The following BRD7 variants were observed in gnomAD, a reference collection of about 807,000 sequenced individuals.
BRD7 encodes bromodomain containing 7.
A neutral mutation model predicts 82.1 loss-of-function variants in BRD7; 15 were observed. That is an observed-to-expected ratio of 0.18 (90% CI 0.12 to 0.28). The LOEUF is 0.28. BRD7 is among the 10% of genes least tolerant of loss of function. The pLI is 1.00. For synonymous variants in BRD7, 232 were observed against 266.9 expected, an observed-to-expected ratio of 0.87 and a Z score of 1.27; for missense variants, 638 against 779.9, an observed-to-expected ratio of 0.82 and a Z score of 2.17.
chr16:50,350,524 G>A (rs1280245023), intron 4 of BRD7, among the ~76,000 whole-genome samples: 1 of 152,088 alleles, frequency 6.6e-6, no homozygotes, highest in South Asian at 2.1e-4. Flanking sequence ...CCAACCAAAG[G>A]GGAAAAGGCT....
chr16:50,331,914 G>A (rs4467073), intron 8 of BRD7, among the ~76,000 whole-genome samples: 56,714 of 152,082 alleles, frequency 0.37, 12,256 homozygotes, highest in Middle Eastern at 0.5. Context: ...AATAAATGGC[G>A]CTAAGAAAAC....
At chr16:50,341,168 G>A (rs2038031649) in intron 5 of BRD7, among the ~76,000 whole-genome samples, 1 of 135,516 alleles carries the variant, frequency 7.4e-6, no homozygotes, top group African/African-American at 2.7e-5. Context: ...TATGGGACCA[G>A]ACCTTAAGTA....
chr16:50,350,192 G>A, intron 4 of BRD7, 25 bp from the exon 5 acceptor site: 1 of 1,512,204 alleles, frequency 6.6e-7, no homozygotes, highest in South Asian at 1.4e-5. Flanking sequence ...AAAAGACAAT[G>A]TAATATTTTA....
chr16:50,343,716 T>C (rs2038166655), intron 5 of BRD7, among the ~76,000 whole-genome samples: 1 of 151,882 alleles, frequency 6.6e-6, no homozygotes, highest in Non-Finnish European at 1.5e-5. Context: ...AGCACAGCAG[T>C]CTGAGATTGA....
chr16:50,331,894 A>C (rs2037580755), intron 8 of BRD7, among the ~76,000 whole-genome samples: 1 of 151,972 alleles, frequency 6.6e-6, no homozygotes, highest in Admixed American at 6.6e-5. Context: ...ACAAAGTAGA[A>C]AGACCACTCA....
chr16:50,328,813 G>T, intron 8 of BRD7, 69 bp from the exon 9 acceptor site: 2 of 1,409,122 alleles, frequency 1.4e-6, no homozygotes, highest in Non-Finnish European at 2.0e-6. Flanking sequence ...TCCTTTATCC[G>T]AAATGCTTGA....
At chr16:50,330,731 T>TAAA (rs370137033) in intron 8 of BRD7, among the ~76,000 whole-genome samples, 2 of 151,776 alleles carry the variant, frequency 1.3e-5, no homozygotes, top group African/African-American at 4.8e-5. Context: ...TTATTTTATT[T>TAAA]AAAAAAAACA....
chr16:50,320,667 A>G lies in BRD7; in HGVS notation c.1608T>C (p.Ser536=), dbSNP rs199917789. Residue 536 remains serine (S), a synonymous_variant, in exon 14 of 17, where the codon TCT becomes TCC. Transcript: ENST00000394688. ...NFGVPVEVFD[S]EEAEIFQKKL... ...AAACCCTCTGGAGACACTTACCTTC[A>G]GAGTCAAAAACTTCAACTGGAACGC... 5 of 1,612,528 alleles carry G rather than the reference A, an allele frequency of 3.1e-6. No homozygotes were observed. The East Asian group carries it at 8.9e-5, about 29-fold the overall frequency.
intron 10 of BRD7, 74 bp downstream of exon 10, chr16:50,326,210 G>A (rs1454083215): frequency 1.7e-6 from 2 of 1,209,306 alleles, no homozygotes; most frequent in African/African-American, 1.5e-5. Flanking sequence ...AGTGAATAAA[G>A]CATAATCGTG....
At chr16:50,324,503 C>T (rs2037254431) in intron 11 of BRD7, among the ~76,000 whole-genome samples, 1 of 152,160 alleles carries the variant, frequency 6.6e-6, no homozygotes, top group Non-Finnish European at 1.5e-5. Context: ...CTCATCAACG[C>T]CCTCCCTGGC....
intron 16 of BRD7, among the ~76,000 whole-genome samples, chr16:50,319,669 T>C (rs1388135837): frequency 1.3e-5 from 2 of 152,192 alleles, no homozygotes; most frequent in Non-Finnish European, 2.9e-5. Flanking sequence ...CTACATTCTA[T>C]GAAGTATATA....
intron 4 of BRD7, among the ~76,000 whole-genome samples, chr16:50,353,870 C>T (rs1597085601): frequency 6.6e-6 from 1 of 151,592 alleles, no homozygotes; most frequent in African/African-American, 2.4e-5. Context: ...AGTGCTGGGA[C>T]TACAGGCGTG....
intron 8 of BRD7, among the ~76,000 whole-genome samples, 178 bp downstream of exon 8, chr16:50,333,396 T>C (rs562857505): frequency 2.0e-5 from 3 of 152,222 alleles, no homozygotes; most frequent in Non-Finnish European, 4.4e-5. Context: ...TTTAACACCC[T>C]GATAAACCCA....
At position 50,322,004 on chromosome 16, in the gene BRD7, A is replaced by T. The variant is rs1465812611; in HGVS notation, c.1478T>A (p.Leu493His). 9 of 1,611,502 alleles carry T rather than the reference A, an allele frequency of 5.6e-6. No homozygotes were observed. The highest frequency in any genetic ancestry group is 7.6e-6 in the Non-Finnish European group (9 of 1,179,446). ...LPEDEGHTRT[L>H]DTAKEMEITE... ...CACCTCCATTTCTTTTGCTGTGTCAAGTGTCCTAGTATGGCCTTCATCTTC... is the reference window on the plus strand; with the variant it reads ...CACCTCCATTTCTTTTGCTGTGTCATGTGTCCTAGTATGGCCTTCATCTTC... Residue 493 changes from leucine to histidine, a missense_variant, in exon 13 of 17, where the codon CTT (leucine) becomes CAT (histidine). Physicochemically the swap from Leu to His is moderately conservative, Grantham distance 99. Around this residue, in one of 3 missense-constraint regions of BRD7, gnomAD observed 402 missense variants for 500.8 expected, o/e 0.80. Transcript: ENST00000394688.
At chr16:50,358,350 T>TCCCGTCTCTATAAAAAATACAAAAATTAG (rs61455994) in intron 2 of BRD7, among the ~76,000 whole-genome samples, 1 of 151,088 alleles carries the variant, frequency 6.6e-6, no homozygotes, top group African/African-American at 2.4e-5. Context: ...CATAGCGAAA[T>TCCCGTCTCTATAAAAAATACAAAAATTAG]CCAGGAGTTT....
intron 6 of BRD7, among the ~76,000 whole-genome samples, chr16:50,336,479 T>C (rs1046567015): frequency 2.0e-5 from 3 of 152,164 alleles, no homozygotes; most frequent in South Asian, 2.1e-4. Context: ...TTAGAATCGC[T>C]TGAACCCGGG....
At position 50,319,933 on chromosome 16, in the gene BRD7, G is replaced by A. The variant is rs199608590; in HGVS notation, c.1854C>T (p.Ser618=). The A allele has an allele frequency of 9.6e-5, 155 of 1,612,432 alleles. No homozygotes were observed. The highest frequency in any genetic ancestry group is 1.3e-4 in the Non-Finnish European group (148 of 1,179,964). ...TGTTTTCCATGACGGGGGAAGGAAT[G>A]GAAATCCCCATTGCTTTTCGAACTC... ...TYGVRKAMGI[S]IPSPVMENNF... Residue 618 remains serine (S), a synonymous_variant, in exon 16 of 17, where the codon TCC becomes TCT. Transcript: ENST00000394688.
intron 5 of BRD7, among the ~76,000 whole-genome samples, chr16:50,341,885 A>AT (rs1278732857): frequency 2.0e-5 from 3 of 150,288 alleles, no homozygotes; most frequent in Non-Finnish European, 3.0e-5. Context: ...ACTGTGGGTG[A>AT]TGGCACTGGT....
chr16:50,363,641 T>TTG lies in BRD7; in HGVS notation c.258+4447_258+4448dup, dbSNP rs374792308. On this transcript the variant is annotated intron_variant, in intron 2 of 16. Transcript: ENST00000394688. ...AATTGTAAGGCTTTACGTTGTGTGT[T>TTG]TGTGTGTGTGTGTGTGTGTGCGCGC... 7.6e-3 allele frequency among the ~76,000 whole-genome samples: 1,137 copies of TTG among 149,168 alleles called. 21 individuals carry two copies. Among genetic ancestry groups the TTG allele is most frequent in the African/African-American group, 0.023 (911 of 39,486 alleles).
Sources: allele counts gnomAD v4.1 joint callset (sites outside exome capture counted in the v4.1 genomes callset), GRCh38; gene constraint gnomAD v4.1.1; regional missense constraint gnomAD v4.1.1; transcripts MANE v1.5; gene names NCBI Gene and HGNC (gene_info 2026-07-23, HGNC 2026-07-21).